The following PLCG2 variants were observed in gnomAD, a reference collection of about 807,000 sequenced individuals.
The protein encoded by PLCG2 is phospholipase C gamma 2.
In PLCG2, 69 loss-of-function variants were observed where a neutral mutation model predicts 175.6. The ratio of observed to expected loss-of-function variants is 0.39; its 90% CI spans 0.32 to 0.48. PLCG2 has a LOEUF of 0.48. Ranked by LOEUF, PLCG2 falls within the 20% of genes least tolerant of loss-of-function variation. The pLI, the probability that PLCG2 is intolerant of heterozygous loss-of-function variation, is 0.91. For missense variants in PLCG2, 1,798 were observed against 1,650.9 expected (o/e 1.09, Z -1.54); for synonymous variants, 827 against 624.0 (o/e 1.33, Z -4.85).
chr16:81,914,801 G>T (rs537660239), intron 19 of PLCG2, among the ~76,000 whole-genome samples: 2 of 152,256 alleles, frequency 1.3e-5, no homozygotes, highest in Admixed American at 1.3e-4. Context: ...GGTGAATGCT[G>T]GCTCAGTGAA....
intron 2 of PLCG2, among the ~76,000 whole-genome samples, chr16:81,845,045 C>G (rs1405487059): frequency 1.3e-5 from 2 of 152,240 alleles, no homozygotes; most frequent in African/African-American, 4.8e-5. Flanking sequence ...TCTCCTCCCT[C>G]AACTTCTTGA....
At chr16:81,857,197 T>C (rs1906730243) in intron 3 of PLCG2, among the ~76,000 whole-genome samples, 1 of 152,200 alleles carries the variant, frequency 6.6e-6, no homozygotes, top group Admixed American at 6.5e-5. Context: ...GTCTCCGTCA[T>C]CCCTCTCTTC....
At chr16:81,754,084 G>A (rs1004251226) in intron 1 of PLCG2, among the ~76,000 whole-genome samples, 4 of 152,048 alleles carry the variant, frequency 2.6e-5, no homozygotes, top group Non-Finnish European at 4.4e-5. Context: ...AAAGGACTTC[G>A]CTCCTTGGTA....
chr16:81,811,116 G>A (rs148869760), intron 2 of PLCG2, among the ~76,000 whole-genome samples: 248 of 152,280 alleles, frequency 1.6e-3, no homozygotes, highest in African/African-American at 5.8e-3. Flanking sequence ...GCTGGGGAAG[G>A]TCATATGGCA....
intron 19 of PLCG2, among the ~76,000 whole-genome samples, chr16:81,918,928 GC>G (rs1909951451): frequency 2.6e-5 from 4 of 151,706 alleles, no homozygotes; most frequent in African/African-American, 9.7e-5. Context: ...TCACTGTTTT[GC>G]TAGTTGAGTC....
At chr16:81,945,297 C>A (rs760962146) in intron 30 of PLCG2, among the ~76,000 whole-genome samples, 1 of 152,190 alleles carries the variant, frequency 6.6e-6, no homozygotes, top group African/African-American at 2.4e-5. Flanking sequence ...CTTGGAGAAT[C>A]AGTAGATATG....
intron 14 of PLCG2, among the ~76,000 whole-genome samples, chr16:81,904,919 ACT>A (rs1302598575): frequency 6.6e-6 from 1 of 151,966 alleles, no homozygotes; most frequent in Non-Finnish European, 1.5e-5. Context: ...ACAGAGTCTC[ACT>A]CTGTTGCCCA....
intron 2 of PLCG2, among the ~76,000 whole-genome samples, chr16:81,797,567 C>T (rs543969142): frequency 1.3e-5 from 2 of 152,338 alleles, no homozygotes; most frequent in African/African-American, 4.8e-5. Context: ...CTTCCCAGCA[C>T]CTGGCCCATA....
intron 5 of PLCG2, among the ~76,000 whole-genome samples, chr16:81,859,655 C>T (rs1290452804): frequency 1.3e-5 from 2 of 152,138 alleles, no homozygotes; most frequent in African/African-American, 4.8e-5. Context: ...CTGCCTCAGC[C>T]TCCCAAGTAC....
At chr16:81,816,050 T>A (rs4889400) in intron 2 of PLCG2, among the ~76,000 whole-genome samples, 149,612 of 150,362 alleles carry the variant, frequency 1, 74,434 homozygotes, top group East Asian at 1. Flanking sequence ...TGACAGAGCA[T>A]GACTTCATCT....
At position 81,931,531 on chromosome 16, in the gene PLCG2, T is replaced by C; in HGVS notation, c.2616T>C (p.Phe872=). ...KAPQGKNQKS[F]VFILEPKQQG... Reference sequence around the variant, plus strand: ...CTCAGGGAAAAAACCAGAAGTCCTTTGTCTTCATCCTGGAGCCCAAGCAGC... The same window carrying C: ...CTCAGGGAAAAAACCAGAAGTCCTTCGTCTTCATCCTGGAGCCCAAGCAGC... The change falls in exon 25 of 33, where the codon TTT becomes TTC. Residue 872 remains phenylalanine (F), a synonymous_variant. Coordinates refer to ENST00000564138, the MANE Select transcript of PLCG2 (RefSeq NM_002661.5). 6.2e-7 allele frequency: 1 copy of C among 1,614,130 alleles called. No homozygotes were observed. Among genetic ancestry groups the C allele is most frequent in the Non-Finnish European group, 8.5e-7 (1 of 1,180,012 alleles).
intron 5 of PLCG2, among the ~76,000 whole-genome samples, chr16:81,864,443 G>A (rs946396001): frequency 6.6e-6 from 1 of 152,224 alleles, no homozygotes; most frequent in Non-Finnish European, 1.5e-5. Flanking sequence ...CAGCACAGAT[G>A]TCTCCATCAT....
chr16:81,866,990 C>G (rs1316367003), intron 5 of PLCG2, among the ~76,000 whole-genome samples: 7 of 152,368 alleles, frequency 4.6e-5, no homozygotes, highest in African/African-American at 1.7e-4. Flanking sequence ...CCAACAGGGA[C>G]TTTTTCTGCC....
intron 2 of PLCG2, among the ~76,000 whole-genome samples, chr16:81,820,547 G>C (rs746793369): frequency 9.9e-5 from 15 of 152,170 alleles, no homozygotes; most frequent in Non-Finnish European, 2.2e-4. Context: ...ATATACCACT[G>C]CCTACTCCCC....
intron 1 of PLCG2, among the ~76,000 whole-genome samples, chr16:81,748,001 A>G (rs952601951): frequency 6.6e-6 from 1 of 152,088 alleles, no homozygotes; most frequent in African/African-American, 2.4e-5. Flanking sequence ...CGGCCTCCCA[A>G]GTAGCTGGGA....
At chr16:81,903,431 TTTG>T (rs1489625740) in intron 14 of PLCG2, among the ~76,000 whole-genome samples, 1 of 152,168 alleles carries the variant, frequency 6.6e-6, no homozygotes, top group Non-Finnish European at 1.5e-5. Context: ...ACGGGGAGTG[TTTG>T]GCCAAGACTG....
chr16:81,855,487 T>C (rs1229255475), intron 3 of PLCG2, among the ~76,000 whole-genome samples: 1 of 152,232 alleles, frequency 6.6e-6, no homozygotes, highest in African/African-American at 2.4e-5. Context: ...ACATTTACTT[T>C]TCGGTCAAAT....
intron 2 of PLCG2, among the ~76,000 whole-genome samples, chr16:81,761,451 C>A (rs1007794833): frequency 6.6e-6 from 1 of 152,294 alleles, no homozygotes; most frequent in Admixed American, 6.5e-5. Context: ...TAACACAGTA[C>A]ATGGGTGAGA....
intron 12 of PLCG2, 102 bp downstream of exon 12, chr16:81,893,896 A>C (rs1051678078): frequency 2.9e-6 from 2 of 680,322 alleles, no homozygotes; most frequent in Admixed American, 2.4e-5. Flanking sequence ...GTTTTAATGG[A>C]CACATAATAA....
Sources: allele counts gnomAD v4.1 joint callset (sites outside exome capture counted in the v4.1 genomes callset), GRCh38; gene constraint gnomAD v4.1.1; transcripts MANE v1.5; gene names NCBI Gene and HGNC (gene_info 2026-07-23, HGNC 2026-07-21).